The following DOCK1 variants were observed in gnomAD, a reference collection of about 807,000 sequenced individuals.
DOCK1 encodes dedicator of cytokinesis 1, also known as dedicator of cytokinesis protein 1.
Under a neutral mutation model 262.7 loss-of-function variants are expected in DOCK1, and 138 were observed. That is an observed-to-expected ratio of 0.53 (90% CI 0.46 to 0.61). The LOEUF (loss-of-function observed/expected upper bound fraction) is 0.61. Among genes scored for constraint, DOCK1 ranks in the 20% least tolerant of loss-of-function variants. The probability of loss-of-function intolerance (pLI) is 0.00; values close to 1 mark genes in which losing one functional copy is unlikely to be tolerated. For missense variants in DOCK1, 1,908 were observed against 2,370.7 expected (o/e 0.80, Z 4.05); for synonymous variants, 866 against 867.4 (o/e 1.00, Z 0.03).
intron 1 of DOCK1, among the ~76,000 whole-genome samples, chr10:126,913,354 G>C (rs1056596556): frequency 6.6e-6 from 1 of 152,082 alleles, no homozygotes; most frequent in Non-Finnish European, 1.5e-5. Flanking sequence ...AATCCCAGTT[G>C]GACAGTGATG....
Position 127,436,178 on chromosome 10 carries a change from G to A in DOCK1, c.5060+2750G>A, listed in dbSNP as rs577490605. Among the ~76,000 whole-genome samples, 8 of 152,210 alleles carry A rather than the reference G, an allele frequency of 5.3e-5. No homozygotes were observed. In the East Asian group the frequency reaches 1.4e-3, roughly 26 times the overall value. On this transcript the variant is annotated intron_variant, in intron 48 of 51. Transcript: ENST00000623213. ...GCCTTAATGATCTAAGTCAATATTG[G>A]TATATTTTATCAATCAGTTTAAATT...
At chr10:127,091,181 C>T (rs1254959808) in intron 23 of DOCK1, among the ~76,000 whole-genome samples, 1 of 152,088 alleles carries the variant, frequency 6.6e-6, no homozygotes, top group Non-Finnish European at 1.5e-5. Context: ...GACGGGGTTT[C>T]ACCATGTTAG....
chr10:127,135,121 G>C (rs1036017370), intron 27 of DOCK1, among the ~76,000 whole-genome samples: 1 of 152,198 alleles, frequency 6.6e-6, no homozygotes, highest in African/African-American at 2.4e-5. Context: ...CATTTCTTCT[G>C]AGGTTAAGAA....
At chr10:127,160,106 A>G (rs1391926396) in intron 27 of DOCK1, among the ~76,000 whole-genome samples, 1 of 151,592 alleles carries the variant, frequency 6.6e-6, no homozygotes, top group African/African-American at 2.4e-5. Context: ...TCATAACAAA[A>G]CATGAATTGT....
intron 23 of DOCK1, among the ~76,000 whole-genome samples, chr10:127,089,409 T>C (rs9418742): frequency 0.52 from 79,507 of 151,920 alleles, 21,537 homozygotes; most frequent in African/African-American, 0.69. Flanking sequence ...GCCCCTTCCT[T>C]CTTTTTTTCC....
rs147111129 is a variant in DOCK1, at chr10:127,311,355, C to A, written c.3045-27651C>A. 3.0e-3 allele frequency among the ~76,000 whole-genome samples: 458 copies of A among 152,304 alleles called. 7 individuals are homozygous for A. Among genetic ancestry groups the A allele is most frequent in the Middle Eastern group, 0.017 (5 of 294 alleles). ...CCTGCAGAAATTCTTACTCATCCTG[C>A]AGAAGGAACATCCTCCAGGCAGAAC... On this transcript the variant is annotated intron_variant, in intron 29 of 51. Coordinates refer to ENST00000623213, the MANE Select transcript of DOCK1 (RefSeq NM_001290223.2).
chr10:127,017,019 T>TACACCACAAACAC (rs1591665852), intron 12 of DOCK1, among the ~76,000 whole-genome samples: 9 of 45,634 alleles, frequency 2.0e-4, no homozygotes, highest in Admixed American at 4.8e-4. Context: ...TAAACACAGA[T>TACACCACAAACAC]ATGCAGATAC....
intron 38 of DOCK1, among the ~76,000 whole-genome samples, chr10:127,386,891 G>A (rs922118023): frequency 6.6e-6 from 1 of 152,190 alleles, no homozygotes; most frequent in Non-Finnish European, 1.5e-5. Flanking sequence ...AAGCTTTGAG[G>A]ATTAGGGCCA....
chr10:127,392,469 G>A (rs766926012), intron 38 of DOCK1, among the ~76,000 whole-genome samples: 4 of 152,086 alleles, frequency 2.6e-5, no homozygotes, highest in Non-Finnish European at 4.4e-5. Flanking sequence ...AGTGGTTTTA[G>A]GCTCACAGCA....
In DOCK1 at chr10:126,909,245, CT is replaced by C. The variant is rs558107878; in HGVS notation, c.46+3683del. On this transcript the variant is annotated intron_variant, in intron 1 of 51. Coordinates refer to ENST00000623213, the MANE Select transcript of DOCK1 (RefSeq NM_001290223.2). ...GGCCTCAGGGAGCTACGGGAGGCCC[CT>C]AGCTAATGATCGGCAGTTACAAAGA... Among the ~76,000 whole-genome samples the C allele has an allele frequency of 2.8e-4, 42 of 152,234 alleles. 1 individual carries two copies. In the South Asian group the frequency reaches 8.7e-3, roughly 32 times the overall value.
chr10:127,188,966 G>A (rs748312816), intron 27 of DOCK1, among the ~76,000 whole-genome samples: 6 of 152,130 alleles, frequency 3.9e-5, no homozygotes, highest in Non-Finnish European at 8.8e-5. Context: ...GCCTGTTACC[G>A]CACCACCACG....
At chr10:127,111,358 A>G (rs1485812824) in intron 25 of DOCK1, among the ~76,000 whole-genome samples, 2 of 152,226 alleles carry the variant, frequency 1.3e-5, no homozygotes, top group Non-Finnish European at 2.9e-5. Flanking sequence ...CATCAAACCA[A>G]GAAGTGGGTG....
chr10:127,284,703 TATC>T (rs1157565073), intron 29 of DOCK1, among the ~76,000 whole-genome samples: 6 of 152,208 alleles, frequency 3.9e-5, no homozygotes, highest in Non-Finnish European at 8.8e-5. Flanking sequence ...GGTGAGGTAT[TATC>T]ATGTCACTGC....
At chr10:126,974,145 G>A (rs1045689076) in intron 2 of DOCK1, among the ~76,000 whole-genome samples, 1 of 152,112 alleles carries the variant, frequency 6.6e-6, no homozygotes, top group Non-Finnish European at 1.5e-5. Context: ...AGATAGGAGA[G>A]GTGAGGCCAG....
chr10:127,302,641 T>C (rs2061720901), intron 29 of DOCK1, among the ~76,000 whole-genome samples: 1 of 152,184 alleles, frequency 6.6e-6, no homozygotes, highest in Admixed American at 6.5e-5. Context: ...TTCCTAAATG[T>C]ATTCTTCAGT....
intron 23 of DOCK1, among the ~76,000 whole-genome samples, chr10:127,084,693 A>G (rs2047096726): frequency 1.3e-5 from 2 of 152,210 alleles, no homozygotes; most frequent in African/African-American, 2.4e-5. Context: ...TTCACAGGAT[A>G]TTCTATGCAG....
chr10:127,176,384 C>A lies in DOCK1; in HGVS notation c.2847+48620C>A. The A allele has an allele frequency of 3.1e-6, 5 of 1,605,866 alleles. No individual in the cohort carries two copies. The highest frequency in any genetic ancestry group is 4.2e-6 in the Non-Finnish European group (5 of 1,176,626). On this transcript the variant is annotated intron_variant, in intron 27 of 51. Transcript: ENST00000623213. This position sits in a 1 kb window ranked among gnomAD's most constrained non-coding sequence, Gnocchi z 4.4. The stretch of plus-strand genomic sequence containing the variant: ...TTGTGAGTATGCATTTGCCGGTGTC[C>A]TTACTGACCATGGTTCCTGCATTCA...
At chr10:127,035,752 G>A (rs1178718985) in intron 18 of DOCK1, among the ~76,000 whole-genome samples, 1 of 152,062 alleles carries the variant, frequency 6.6e-6, no homozygotes, top group East Asian at 1.9e-4. Context: ...GCTCACATCT[G>A]TAATCCCAGC....
intron 19 of DOCK1, among the ~76,000 whole-genome samples, chr10:127,039,608 C>T (rs373094367): frequency 2.0e-5 from 3 of 152,130 alleles, no homozygotes; most frequent in Non-Finnish European, 2.9e-5. Flanking sequence ...TCTCTGCTGG[C>T]GTGTCTGACA....
Sources: gnomAD v4.1 joint callset for allele counts (sites outside exome capture counted in the v4.1 genomes callset) on GRCh38, gnomAD v4.1.1 for gene constraint, Gnocchi (gnomAD v3.1) non-coding constraint, MANE v1.5 for transcripts, NCBI Gene and HGNC (gene_info 2026-07-23, HGNC 2026-07-21) for gene names.